Variants in NUBPL observed in about 807,000 individuals in gnomAD.
NUBPL encodes iron-sulfur cluster transfer protein NUBPL.
A neutral mutation model predicts 45.7 loss-of-function variants in NUBPL; 31 were observed. That is an observed-to-expected ratio of 0.68 (90% CI 0.51 to 0.92). The LOEUF (loss-of-function observed/expected upper bound fraction) is 0.92, where lower values mean the gene tolerates loss of function less well. Among genes scored for constraint, NUBPL ranks in the 40% least tolerant of loss-of-function variants. The pLI, the probability that NUBPL is intolerant of heterozygous loss-of-function variation, is 0.00. For synonymous variants in NUBPL, 144 were observed against 140.9 expected (o/e 1.02, Z -0.15); for missense variants, 401 against 398.7 (o/e 1.01, Z -0.05).
chr14:31,628,510 T>A lies in NUBPL; in HGVS notation c.382+29131T>A, dbSNP rs535456678. 3.3e-5 allele frequency among the ~76,000 whole-genome samples: 5 copies of A among 152,316 alleles called. No individual in the cohort carries two copies. The South Asian group carries it at 6.2e-4, about 19-fold the overall frequency. ...GGCAGTTAAAGGTTTTCTAAAAAAG[T>A]CTAATTTACTTGAAAGTTTTAATTT... On this transcript the variant is annotated intron_variant, in intron 4 of 10. Coordinates refer to ENST00000281081, the MANE Select transcript of NUBPL (RefSeq NM_025152.3).
At chr14:31,677,050 T>G (rs1214543963) in intron 6 of NUBPL, among the ~76,000 whole-genome samples, 1 of 152,166 alleles carries the variant, frequency 6.6e-6, no homozygotes, top group Non-Finnish European at 1.5e-5. Flanking sequence ...TTTAAAAATT[T>G]TATGGGTATA....
intron 6 of NUBPL, among the ~76,000 whole-genome samples, chr14:31,781,685 A>G (rs536875992): frequency 6.6e-6 from 1 of 152,220 alleles, no homozygotes; most frequent in Non-Finnish European, 1.5e-5. Context: ...ATCAACATTC[A>G]CTGCCTAGAA....
chr14:31,668,741 A>G (rs1197519312), intron 4 of NUBPL, among the ~76,000 whole-genome samples: 2 of 152,204 alleles, frequency 1.3e-5, no homozygotes, highest in Non-Finnish European at 2.9e-5. Context: ...GGAAAAGCCT[A>G]GTAGCTGAGC....
At chr14:31,713,554 A>G (rs951916906) in intron 6 of NUBPL, among the ~76,000 whole-genome samples, 10 of 152,094 alleles carry the variant, frequency 6.6e-5, no homozygotes, top group Non-Finnish European at 1.0e-4. Context: ...GACTTTCTCT[A>G]TTCTTACGCT....
intron 10 of NUBPL, among the ~76,000 whole-genome samples, chr14:31,855,250 C>T (rs1009530219): frequency 7.9e-5 from 12 of 152,150 alleles, no homozygotes; most frequent in African/African-American, 2.7e-4. Context: ...AAAATCAGCA[C>T]ATTTGATTTG....
intron 6 of NUBPL, among the ~76,000 whole-genome samples, chr14:31,778,156 A>C (rs1321874505): frequency 6.6e-6 from 1 of 152,196 alleles, no homozygotes; most frequent in Non-Finnish European, 1.5e-5. Flanking sequence ...AAACTGACTG[A>C]ATAGATGGGA....
chr14:31,846,851 G>A (rs1211129406), intron 9 of NUBPL, among the ~76,000 whole-genome samples: 1 of 152,066 alleles, frequency 6.6e-6, no homozygotes, highest in Non-Finnish European at 1.5e-5. Flanking sequence ...AGCTACTCAG[G>A]AGGCTGAGGC....
intron 8 of NUBPL, chr14:31,846,110 C>T: frequency 3.3e-6 from 1 of 306,240 alleles, no homozygotes; most frequent in East Asian, 8.9e-5. Flanking sequence ...GCTACCTTGG[C>T]TTGTTGTCTT....
At chr14:31,825,620 C>G (rs559995961) in intron 7 of NUBPL, among the ~76,000 whole-genome samples, 1 of 138,918 alleles carries the variant, frequency 7.2e-6, no homozygotes, top group Non-Finnish European at 1.6e-5. Context: ...CTCTTCTTCT[C>G]CTCCTCCTCC....
chr14:31,797,706 T>C (rs1169773987), intron 7 of NUBPL, among the ~76,000 whole-genome samples: 1 of 144,372 alleles, frequency 6.9e-6, no homozygotes, highest in Non-Finnish European at 1.5e-5. Context: ...AGTCTGTGTC[T>C]TTTAATTGGA....
intron 7 of NUBPL, among the ~76,000 whole-genome samples, chr14:31,815,188 A>AT (rs2039891214): frequency 6.6e-6 from 1 of 151,496 alleles, no homozygotes; most frequent in Non-Finnish European, 1.5e-5. Flanking sequence ...TTTTTTTTCC[A>AT]TTTTTTTGTG....
chr14:31,641,368 ACTC>A (rs1051773393), intron 4 of NUBPL, among the ~76,000 whole-genome samples: 6 of 151,602 alleles, frequency 4.0e-5, no homozygotes, highest in African/African-American at 1.5e-4. Flanking sequence ...CCAGTCTACT[ACTC>A]TTTATCTTCA....
intron 6 of NUBPL, among the ~76,000 whole-genome samples, chr14:31,742,965 C>G (rs369607725): frequency 1.2e-4 from 19 of 152,200 alleles, no homozygotes; most frequent in African/African-American, 4.6e-4. Flanking sequence ...CATTTTTAAG[C>G]CATAATCTTA....
At chr14:31,705,717 T>C (rs193025595) in intron 6 of NUBPL, among the ~76,000 whole-genome samples, 6 of 151,932 alleles carry the variant, frequency 3.9e-5, no homozygotes, top group African/African-American at 1.5e-4. Context: ...TTACAAACCT[T>C]TAGCTAGACA....
chr14:31,562,284 AT>A (rs1422438284), intron 2 of NUBPL, 69 bp downstream of exon 2: 2 of 1,399,178 alleles, frequency 1.4e-6, no homozygotes, highest in African/African-American at 1.5e-5. Flanking sequence ...CACTATTGAA[AT>A]TATAGTTTTG....
chr14:31,572,937 A>C (rs2033627546), intron 3 of NUBPL, among the ~76,000 whole-genome samples: 1 of 152,218 alleles, frequency 6.6e-6, no homozygotes, highest in African/African-American at 2.4e-5. Flanking sequence ...AAACAAAGAA[A>C]AGATACAGTA....
intron 4 of NUBPL, among the ~76,000 whole-genome samples, chr14:31,665,782 C>G (rs1175755168): frequency 6.6e-6 from 1 of 152,024 alleles, no homozygotes; most frequent in Non-Finnish European, 1.5e-5. Flanking sequence ...TCCTGAATCT[C>G]CTTGTTAATT....
intron 3 of NUBPL, among the ~76,000 whole-genome samples, chr14:31,583,538 G>T (rs1295056875): frequency 1.3e-5 from 2 of 152,222 alleles, no homozygotes; most frequent in Non-Finnish European, 2.9e-5. Flanking sequence ...CTAATCTGAG[G>T]ATTGAGAGAA....
At chr14:31,728,756 T>C (rs2037981849) in intron 6 of NUBPL, among the ~76,000 whole-genome samples, 2 of 152,218 alleles carry the variant, frequency 1.3e-5, no homozygotes, top group South Asian at 2.1e-4. Flanking sequence ...TTCCAGCTTT[T>C]TGTGAGATGT....
Sources: allele counts gnomAD v4.1 joint callset (sites outside exome capture counted in the v4.1 genomes callset), GRCh38; gene constraint gnomAD v4.1.1; transcripts MANE v1.5; gene names NCBI Gene and HGNC (gene_info 2026-07-23, HGNC 2026-07-21).